The following UBXN2A variants were observed in gnomAD, a reference collection of about 807,000 sequenced individuals.
UBXN2A encodes the protein UBX domain-containing protein 2A.
A neutral mutation model predicts 28.4 loss-of-function variants in UBXN2A; 28 were observed. The observed-to-expected ratio is 0.99, with a 90% CI of 0.73 to 1.35. The LOEUF (loss-of-function observed/expected upper bound fraction) is 1.35. UBXN2A is among the 40% of genes most tolerant of loss of function. The pLI is 0.00. For missense variants in UBXN2A, 253 were observed against 297.9 expected (o/e 0.85, Z 1.11); for synonymous variants, 97 against 103.6 (o/e 0.94, Z 0.39).
At chr2:23,947,939 C>A (rs1380363346) in intron 1 of UBXN2A, among the ~76,000 whole-genome samples, 1 of 152,006 alleles carries the variant, frequency 6.6e-6, no homozygotes, top group Non-Finnish European at 1.5e-5. Flanking sequence ...CCTGCAACCT[C>A]CTCCTCCCAG....
chr2:23,944,881 C>A (rs4665248), intron 1 of UBXN2A, among the ~76,000 whole-genome samples: 111,171 of 152,004 alleles, frequency 0.73, 41,096 homozygotes, highest in East Asian at 0.85. Flanking sequence ...CTAGAGAGAG[C>A]TAAAGAGGAC....
chr2:23,986,822 G>A (rs1708151636), intron 6 of UBXN2A, among the ~76,000 whole-genome samples: 1 of 152,092 alleles, frequency 6.6e-6, no homozygotes, highest in African/African-American at 2.4e-5. Flanking sequence ...TGCCCAGGCT[G>A]GTCTCAAACT....
intron 4 of UBXN2A, among the ~76,000 whole-genome samples, chr2:23,978,575 CG>C (rs1558300730): frequency 1.3e-5 from 2 of 151,456 alleles, no homozygotes; most frequent in African/African-American, 4.9e-5. Flanking sequence ...ACCTGGGAGG[CG>C]GAGCTTGCAG....
intron 1 of UBXN2A, among the ~76,000 whole-genome samples, chr2:23,952,789 G>C (rs1014651577): frequency 3.9e-5 from 6 of 152,070 alleles, no homozygotes; most frequent in Admixed American, 2.0e-4. Flanking sequence ...ATGTTGCCCA[G>C]CCTGGTTTGG....
rs1708770006 is a variant in UBXN2A at position 24,004,826 on chromosome 2, T to G, written c.*4959T>G. 6.6e-6 allele frequency: 1 copy of G among 152,258 alleles called. No homozygotes were observed. Among genetic ancestry groups the G allele is most frequent in the Non-Finnish European group, 1.5e-5 (1 of 68,052 alleles). 9.4% of individuals were successfully genotyped at this position (152,258 alleles called of 1,614,324 possible). A position where few individuals can be genotyped will look rare whatever the true frequency, so the allele number is the denominator to read the frequency against. ...ATATGTGTGCATCTATTTCAGTGCC[T>G]TAAAGTATTTTGAGAGCAATCTTTT... On this transcript the variant is annotated 3_prime_UTR_variant, in exon 7 of 7. Coordinates refer to ENST00000309033, the MANE Select transcript of UBXN2A (RefSeq NM_181713.4).
chr2:23,994,423 G>T (rs538549515), intron 6 of UBXN2A, among the ~76,000 whole-genome samples: 12 of 152,092 alleles, frequency 7.9e-5, no homozygotes, highest in African/African-American at 2.6e-4. Flanking sequence ...GGCATTTGTG[G>T]CTTTATTTAC....
At chr2:23,978,990 A>T (rs1002336638) in intron 4 of UBXN2A, among the ~76,000 whole-genome samples, 1 of 151,610 alleles carries the variant, frequency 6.6e-6, no homozygotes, top group Non-Finnish European at 1.5e-5. Flanking sequence ...AATGTTTACT[A>T]TATATTTATG....
chr2:23,994,978 G>A (rs772344807), intron 6 of UBXN2A, among the ~76,000 whole-genome samples: 1 of 152,204 alleles, frequency 6.6e-6, no homozygotes, highest in Non-Finnish European at 1.5e-5. Flanking sequence ...CTCCACATTG[G>A]CAGAGCTTAA....
At chr2:23,984,319 GA>G (rs1708036161) in intron 5 of UBXN2A, among the ~76,000 whole-genome samples, 1 of 152,034 alleles carries the variant, frequency 6.6e-6, no homozygotes, top group Non-Finnish European at 1.5e-5. Flanking sequence ...GCTCAATAAA[GA>G]ACTTATAATT....
intron 4 of UBXN2A, among the ~76,000 whole-genome samples, chr2:23,978,694 G>A (rs985165650): frequency 1.0e-4 from 15 of 148,190 alleles, no homozygotes; most frequent in African/African-American, 3.7e-4. Context: ...CTGGGCACGG[G>A]GGCTTACGCC....
chr2:23,944,395 T>TC, intron 1 of UBXN2A: 1 of 1,325,716 alleles, frequency 7.5e-7, no homozygotes, highest in Non-Finnish European at 1.1e-6. Flanking sequence ...ATTATTGTAT[T>TC]CACCCATCTT....
At chr2:23,964,086 C>T (rs1431134406) in intron 2 of UBXN2A, among the ~76,000 whole-genome samples, 1 of 150,170 alleles carries the variant, frequency 6.7e-6, no homozygotes, top group Non-Finnish European at 1.5e-5. Context: ...GAACCATGAT[C>T]GTGTCACTGC....
chr2:23,950,489 C>T (rs1706310977), intron 1 of UBXN2A, among the ~76,000 whole-genome samples: 1 of 151,932 alleles, frequency 6.6e-6, no homozygotes, highest in African/African-American at 2.4e-5. Context: ...CTGCGACCTC[C>T]GACTCCTGGG....
chr2:23,977,128 C>G, intron 4 of UBXN2A, 53 bp downstream of exon 4: 1 of 1,448,508 alleles, frequency 6.9e-7, no homozygotes, highest in Non-Finnish European at 9.6e-7. Flanking sequence ...CTTTGGCAGG[C>G]TGTGGCGAGA....
rs1335742262 is a variant in UBXN2A, at chr2:23,954,987, C to T, written c.-14-3314C>T. On this transcript the variant is annotated intron_variant, in intron 1 of 6. Coordinates refer to ENST00000309033, the MANE Select transcript of UBXN2A (RefSeq NM_181713.4). ...CTAGCTTTGTCGCCAGACTGGAGTG[C>T]AGTGGTGCAATTTCGGCTCACTGCA... Among the ~76,000 whole-genome samples, 12 of 142,242 alleles carry T rather than the reference C, an allele frequency of 8.4e-5. No individual in the cohort carries two copies. The Admixed American group carries it at 9.0e-4, about 11-fold the overall frequency. 93.3% of individuals were successfully genotyped at this position (142,242 alleles called of 152,430 possible).
intron 1 of UBXN2A, among the ~76,000 whole-genome samples, chr2:23,951,497 G>C (rs1706370698): frequency 7.1e-6 from 1 of 141,100 alleles, no homozygotes; most frequent in Admixed American, 7.2e-5. Flanking sequence ...TTTTGCTCTT[G>C]TCACCCAGGC....
At chr2:23,984,941 GC>G in intron 6 of UBXN2A, 110 bp downstream of exon 6, 1 of 1,236,408 alleles carries the variant, frequency 8.1e-7, no homozygotes, top group East Asian at 3.0e-5. Context: ...TTTCTTTGTT[GC>G]CCAGGCCAGA....
At position 24,004,325 on chromosome 2, in the gene UBXN2A, A is replaced by G. The variant is rs926725433; in HGVS notation, c.*4458A>G. ...AAGCAATTGTTTCAAAACTGTCTTCAGTTTCTTGAAAATAATTGTTAGGGC... is the reference window on the plus strand; with the variant it reads ...AAGCAATTGTTTCAAAACTGTCTTCGGTTTCTTGAAAATAATTGTTAGGGC... On this transcript the variant is annotated 3_prime_UTR_variant, in exon 7 of 7. Transcript: ENST00000309033. 1.7e-4 allele frequency: 26 copies of G among 152,214 alleles called. No homozygotes were observed. Among genetic ancestry groups the G allele is most frequent in the African/African-American group, 5.8e-4 (24 of 41,452 alleles). 9.4% of individuals were successfully genotyped at this position (152,214 alleles called of 1,614,324 possible). A position where few individuals can be genotyped will look rare whatever the true frequency, so the allele number is the denominator to read the frequency against.
At chr2:23,954,552 A>G (rs759759686) in intron 1 of UBXN2A, among the ~76,000 whole-genome samples, 3 of 152,106 alleles carry the variant, frequency 2.0e-5, no homozygotes, top group Non-Finnish European at 2.9e-5. Flanking sequence ...TTTCGTTACA[A>G]CCTTGCCAAC....
Sources: gnomAD v4.1 joint callset for allele counts (sites outside exome capture counted in the v4.1 genomes callset) on GRCh38, gnomAD v4.1.1 for gene constraint, MANE v1.5 for transcripts, NCBI Gene and HGNC (gene_info 2026-07-23, HGNC 2026-07-21) for gene names.